EFNA5: variants seen among roughly 807,000 people sequenced by gnomAD.
EFNA5 encodes the protein ephrin-A5.
EFNA5 carries 5 observed loss-of-function variants against 22.9 expected under a neutral mutation model. The ratio of observed to expected loss-of-function variants is 0.22; its 90% CI spans 0.11 to 0.46. The LOEUF (loss-of-function observed/expected upper bound fraction) is 0.46. Ranked by LOEUF, EFNA5 falls within the 20% of genes least tolerant of loss-of-function variation. The pLI is 0.99. For synonymous variants in EFNA5, 113 were observed against 112.2 expected, an observed-to-expected ratio of 1.01 and a Z score of -0.04; for missense variants, 237 against 293.3, an observed-to-expected ratio of 0.81 and a Z score of 1.40.
At chr5:107,419,358 C>T (rs964993824) in intron 2 of EFNA5, among the ~76,000 whole-genome samples, 3 of 152,112 alleles carry the variant, frequency 2.0e-5, no homozygotes, top group African/African-American at 7.2e-5. Flanking sequence ...TAAAAAGGTG[C>T]ATTATTGCAG....
intron 2 of EFNA5, among the ~76,000 whole-genome samples, chr5:107,390,655 A>G (rs1267870669): frequency 1.3e-5 from 2 of 151,556 alleles, no homozygotes; most frequent in Admixed American, 6.6e-5. Flanking sequence ...ACTTTATCTT[A>G]GTTAAAAGTA....
At chr5:107,634,910 A>C (rs1029034472) in intron 1 of EFNA5, among the ~76,000 whole-genome samples, 1 of 152,206 alleles carries the variant, frequency 6.6e-6, no homozygotes, top group Non-Finnish European at 1.5e-5. Flanking sequence ...ACAAATCAAA[A>C]AGTGACCTTA....
chr5:107,448,593 G>T (rs1419675340), intron 1 of EFNA5, among the ~76,000 whole-genome samples: 1 of 152,024 alleles, frequency 6.6e-6, no homozygotes, highest in African/African-American at 2.4e-5. Flanking sequence ...CACTTTGGAA[G>T]GCTGAGGCGG....
intron 1 of EFNA5, among the ~76,000 whole-genome samples, chr5:107,657,914 C>T (rs1750864500): frequency 6.6e-6 from 1 of 152,070 alleles, no homozygotes; most frequent in African/African-American, 2.4e-5. Context: ...AGTTCCATTC[C>T]TTACTTGTTA....
intron 1 of EFNA5, among the ~76,000 whole-genome samples, chr5:107,609,051 C>T (rs1007485614): frequency 1.1e-4 from 17 of 152,138 alleles, no homozygotes; most frequent in Non-Finnish European, 1.8e-4. Context: ...ATGGGCCTTG[C>T]ATATTCCATA....
chr5:107,596,514 C>T (rs969098886), intron 1 of EFNA5, among the ~76,000 whole-genome samples: 13 of 152,096 alleles, frequency 8.5e-5, no homozygotes, highest in African/African-American at 2.7e-4. Flanking sequence ...CATTCATCCA[C>T]GGATGGCCAC....
chr5:107,553,125 G>C (rs780943907), intron 1 of EFNA5, among the ~76,000 whole-genome samples: 1 of 152,086 alleles, frequency 6.6e-6, no homozygotes, highest in African/African-American at 2.4e-5. Context: ...GAGTGACAGG[G>C]AGAGAAAAAG....
intron 4 of EFNA5, among the ~76,000 whole-genome samples, chr5:107,384,877 T>C (rs1376192206): frequency 6.7e-6 from 1 of 148,858 alleles, no homozygotes; most frequent in Non-Finnish European, 1.5e-5. Context: ...GCCTCTCAAA[T>C]TGCTGGGATT....
At chr5:107,631,487 T>C (rs1046906238) in intron 1 of EFNA5, among the ~76,000 whole-genome samples, 3 of 152,002 alleles carry the variant, frequency 2.0e-5, no homozygotes, top group Non-Finnish European at 2.9e-5. Context: ...TAGACACTCA[T>C]TGAGCAAATA....
chr5:107,404,904 G>C (rs1748168967), intron 2 of EFNA5, among the ~76,000 whole-genome samples: 1 of 152,174 alleles, frequency 6.6e-6, no homozygotes, highest in South Asian at 2.1e-4. Flanking sequence ...TGCCCGCAGA[G>C]ACATGCCCTA....
In EFNA5 at chr5:107,508,660, T is replaced by C. The variant is rs1027624482; in HGVS notation, c.126-81151A>G. On this transcript the variant is annotated intron_variant, in intron 1 of 4. Transcript: ENST00000333274. Reference sequence around the variant, plus strand: ...TGATATAACAATAATCTTAATTAAATAGACTTCTAAAAACTAAGTGTAAGT... The same window carrying C: ...TGATATAACAATAATCTTAATTAAACAGACTTCTAAAAACTAAGTGTAAGT... Among the ~76,000 whole-genome samples, 16 of 152,304 alleles carry C rather than the reference T, an allele frequency of 1.1e-4. 1 individual carries two copies. Among genetic ancestry groups the C allele is most frequent in the South Asian group, 4.1e-4 (2 of 4,826 alleles).
intron 1 of EFNA5, among the ~76,000 whole-genome samples, chr5:107,511,958 C>T (rs1320347249): frequency 6.6e-6 from 1 of 152,180 alleles, no homozygotes; most frequent in Non-Finnish European, 1.5e-5. Context: ...ACAAAATTTT[C>T]ATCTGAAAAG....
rs372930163 is a variant in EFNA5 at position 107,409,177 on chromosome 5, A to C, written c.418+18040T>G. ...ACTAAATACTTACACCACCCTAGGA[A>C]ATGAACTCATAAAGACAGGAGTATG... On this transcript the variant is annotated intron_variant, in intron 2 of 4. Coordinates refer to ENST00000333274, the MANE Select transcript of EFNA5 (RefSeq NM_001962.3). Among the ~76,000 whole-genome samples, 54 of 152,366 alleles carry C rather than the reference A, an allele frequency of 3.5e-4. 1 individual carries two copies. Among genetic ancestry groups the C allele is most frequent in the African/African-American group, 1.3e-3 (53 of 41,584 alleles).
intron 1 of EFNA5, among the ~76,000 whole-genome samples, chr5:107,596,209 A>G (rs570141100): frequency 1.3e-5 from 2 of 152,326 alleles, no homozygotes; most frequent in African/African-American, 4.8e-5. Flanking sequence ...AATTATATGC[A>G]CAATGTTTCC....
At chr5:107,465,472 C>T (rs1317308382) in intron 1 of EFNA5, among the ~76,000 whole-genome samples, 1 of 152,062 alleles carries the variant, frequency 6.6e-6, no homozygotes, top group Non-Finnish European at 1.5e-5. Context: ...CGCTTTACTC[C>T]AAAGACGCCA....
chr5:107,563,429 A>G (rs1034642377), intron 1 of EFNA5, among the ~76,000 whole-genome samples: 2 of 151,754 alleles, frequency 1.3e-5, no homozygotes, highest in East Asian at 1.9e-4. Flanking sequence ...TTTAAAAGTT[A>G]TTATTATTAT....
chr5:107,381,486 A>T, intron 4 of EFNA5, 110 bp from the exon 5 acceptor site: 1 of 1,246,298 alleles, frequency 8.0e-7, no homozygotes, highest in Non-Finnish European at 1.1e-6. Context: ...TAGGGTAATG[A>T]ACCTTGTGCC....
rs55968746 is a variant in EFNA5, at chr5:107,663,224, GAA to G, written c.125+7263_125+7264del. Among the ~76,000 whole-genome samples the G allele has an allele frequency of 2.8e-3, 417 of 151,456 alleles. 2 individuals carry two copies. The highest frequency in any genetic ancestry group is 9.6e-3 in the African/African-American group (397 of 41,336). On this transcript the variant is annotated intron_variant, in intron 1 of 4. Transcript: ENST00000333274. ...AAACAAGATGGCTGCTTCTAGGGGG[GAA>G]AAAAAACACGCTGATTTAACTGAAA...
At chr5:107,638,426 T>C (rs1024797934) in intron 1 of EFNA5, among the ~76,000 whole-genome samples, 1 of 152,198 alleles carries the variant, frequency 6.6e-6, no homozygotes, top group African/African-American at 2.4e-5. Flanking sequence ...AGAGATCTAT[T>C]ATACAACATG....
Sources: gnomAD v4.1 joint callset for allele counts (sites outside exome capture counted in the v4.1 genomes callset) on GRCh38, gnomAD v4.1.1 for gene constraint, MANE v1.5 for transcripts, NCBI Gene and HGNC (gene_info 2026-07-23, HGNC 2026-07-21) for gene names.